DAB1: variants seen among roughly 807,000 people sequenced by gnomAD.
DAB1 encodes the protein DAB adaptor protein 1, also known as disabled homolog 1.
Under a neutral mutation model 64.6 loss-of-function variants are expected in DAB1, and 15 were observed. The observed-to-expected ratio is 0.23, with a 90% CI of 0.16 to 0.36. The LOEUF is 0.36. Ranked by LOEUF, DAB1 falls within the 10% of genes least tolerant of loss-of-function variation. The pLI is 1.00. For missense variants in DAB1, 596 were observed against 706.7 expected, an observed-to-expected ratio of 0.84 and a Z score of 1.78; for synonymous variants, 235 against 251.9, an observed-to-expected ratio of 0.93 and a Z score of 0.64.
chr1:57,805,815 C>T (rs1557490987), intron 6 of DAB1, among the ~76,000 whole-genome samples: 1 of 152,120 alleles, frequency 6.6e-6, no homozygotes, highest in Non-Finnish European at 1.5e-5. Context: ...TGCTTAGTCC[C>T]TCATCTGATT....
At chr1:57,313,235 G>A (rs1305506173) in intron 1 of DAB1, among the ~76,000 whole-genome samples, 1 of 152,084 alleles carries the variant, frequency 6.6e-6, no homozygotes, top group Admixed American at 6.6e-5. Context: ...GTCTGTGTGG[G>A]TCCTGCTTTG....
At chr1:57,858,326 C>A (rs1653853075) in intron 1 of DAB1, among the ~76,000 whole-genome samples, 1 of 152,080 alleles carries the variant, frequency 6.6e-6, no homozygotes, top group African/African-American at 2.4e-5. Flanking sequence ...TAAAGAATGT[C>A]CATTACCATC....
chr1:57,508,058 G>T (rs2691436), intron 7 of DAB1, among the ~76,000 whole-genome samples: 1 of 152,144 alleles, frequency 6.6e-6, no homozygotes, highest in Non-Finnish European at 1.5e-5. Context: ...GCATAATTCC[G>T]AGGATGGTCT....
intron 5 of DAB1, among the ~76,000 whole-genome samples, chr1:58,007,221 AAAT>A (rs1182019021): frequency 2.0e-5 from 3 of 152,196 alleles, no homozygotes; most frequent in Non-Finnish European, 4.4e-5. Flanking sequence ...GAAATTTGGA[AAAT>A]AATAATATTT....
chr1:58,469,152 T>C (rs1645328045), intron 3 of DAB1: 1 of 155,488 alleles, frequency 6.4e-6, no homozygotes, highest in South Asian at 2.0e-4. Context: ...TATGTTGAGC[T>C]CTGCTGCCAG....
chr1:57,922,095 T>C (rs977743269), intron 5 of DAB1, among the ~76,000 whole-genome samples: 1 of 152,214 alleles, frequency 6.6e-6, no homozygotes, highest in Non-Finnish European at 1.5e-5. Flanking sequence ...TTCTCTTTAT[T>C]CCCTCATCTT....
chr1:57,800,402 C>T (rs1221610943), intron 6 of DAB1, among the ~76,000 whole-genome samples: 1 of 152,170 alleles, frequency 6.6e-6, no homozygotes, highest in Non-Finnish European at 1.5e-5. Flanking sequence ...ACATTGCTTG[C>T]AAGTGTATCA....
rs148353185 is a variant in DAB1 at position 57,033,019 on chromosome 1, G to A, written c.724-6976C>T. Among the ~76,000 whole-genome samples the A allele has an allele frequency of 2.5e-3, 388 of 152,242 alleles. 2 individuals carry two copies. Among genetic ancestry groups the A allele is most frequent in the African/African-American group, 9.0e-3 (375 of 41,528 alleles). On this transcript the variant is annotated intron_variant, in intron 9 of 14. Transcript: ENST00000371236. ...ACTGTCATATCTTATCCCAGGCAAT[G>A]TTGCACTATGTTACACTGTGAGCTT...
intron 6 of DAB1, among the ~76,000 whole-genome samples, chr1:57,797,449 CT>C (rs1650926667): frequency 6.6e-6 from 1 of 152,208 alleles, no homozygotes; most frequent in Admixed American, 6.5e-5. Context: ...TCTTCACGTT[CT>C]TCTATAACAC....
chr1:58,323,671 G>A (rs72669803), intron 4 of DAB1, among the ~76,000 whole-genome samples: 5,733 of 152,088 alleles, frequency 0.038, 167 homozygotes, highest in Middle Eastern at 0.061. Flanking sequence ...AGACTTAGCC[G>A]CACTTTGGGA....
At chr1:57,949,572 TA>T (rs1645240559) in intron 5 of DAB1, among the ~76,000 whole-genome samples, 5 of 152,096 alleles carry the variant, frequency 3.3e-5, no homozygotes, top group Non-Finnish European at 4.4e-5. Flanking sequence ...ACACAATATA[TA>T]TATATAATGC....
chr1:57,213,112 A>C (rs1397901595), intron 2 of DAB1, among the ~76,000 whole-genome samples: 1 of 152,126 alleles, frequency 6.6e-6, no homozygotes. Flanking sequence ...TTGTCCAAAA[A>C]AAAGAAAGAA....
intron 2 of DAB1, among the ~76,000 whole-genome samples, chr1:57,161,155 T>TGG (rs918121916): frequency 6.6e-6 from 1 of 151,962 alleles, no homozygotes; most frequent in East Asian, 1.9e-4. Context: ...TCAATGCATT[T>TGG]GGGGGAGAGT....
At chr1:58,134,296 C>T (rs941312939) in intron 5 of DAB1, among the ~76,000 whole-genome samples, 5 of 152,046 alleles carry the variant, frequency 3.3e-5, no homozygotes, top group Non-Finnish European at 5.9e-5. Context: ...GCCTTGTATC[C>T]GCACATGCTG....
At chr1:58,375,282 G>A (rs1198852303) in intron 3 of DAB1, among the ~76,000 whole-genome samples, 1 of 145,324 alleles carries the variant, frequency 6.9e-6, no homozygotes, top group East Asian at 2.0e-4. Context: ...AATGCTTCCA[G>A]TTTTTGCCCA....
chr1:57,135,543 A>C (rs1278476223), intron 4 of DAB1, among the ~76,000 whole-genome samples: 1 of 152,190 alleles, frequency 6.6e-6, no homozygotes, highest in Admixed American at 6.5e-5. Context: ...TTGGCTACTG[A>C]AAGTAATGCC....
At chr1:57,566,324 G>A (rs1465483207) in intron 7 of DAB1, among the ~76,000 whole-genome samples, 2 of 152,156 alleles carry the variant, frequency 1.3e-5, no homozygotes, top group Non-Finnish European at 2.9e-5. Flanking sequence ...GAGAAAGGAG[G>A]AAAGATCTAA....
chr1:57,166,362 A>T (rs763534009), intron 2 of DAB1, among the ~76,000 whole-genome samples: 2 of 152,210 alleles, frequency 1.3e-5, no homozygotes, highest in Non-Finnish European at 2.9e-5. Flanking sequence ...AAGAAAAGAG[A>T]GATACAAATT....
intron 4 of DAB1, among the ~76,000 whole-genome samples, chr1:57,093,103 C>A (rs1488647656): frequency 2.0e-5 from 3 of 152,216 alleles, no homozygotes; most frequent in Non-Finnish European, 4.4e-5. Flanking sequence ...TAGCTGCACA[C>A]TTGCCAGTCC....
Sources: allele counts gnomAD v4.1 joint callset (sites outside exome capture counted in the v4.1 genomes callset), GRCh38; gene constraint gnomAD v4.1.1; transcripts MANE v1.5; gene names NCBI Gene and HGNC (gene_info 2026-07-23, HGNC 2026-07-21).